The following HABP2 variants were observed in gnomAD, a reference collection of about 807,000 sequenced individuals.
HABP2 encodes the protein hyaluronan binding protein 2.
Under a neutral mutation model 66.5 loss-of-function variants are expected in HABP2, and 65 were observed. That is an observed-to-expected ratio of 0.98 (90% CI 0.80 to 1.20). The LOEUF (loss-of-function observed/expected upper bound fraction) is 1.20, where lower values mean the gene tolerates loss of function less well. Among genes scored for constraint, HABP2 ranks in the 50% most tolerant of loss-of-function variants. The pLI, the probability that HABP2 is intolerant of heterozygous loss-of-function variation, is 0.00. For synonymous variants in HABP2, 263 were observed against 253.9 expected (o/e 1.04, Z -0.34); for missense variants, 786 against 691.0 (o/e 1.14, Z -1.54).
At chr10:113,569,173 A>C (rs1845256566) in intron 2 of HABP2, among the ~76,000 whole-genome samples, 1 of 152,214 alleles carries the variant, frequency 6.6e-6, no homozygotes, top group Non-Finnish European at 1.5e-5. Context: ...TTTTAAGCAC[A>C]GGCTGAAAAA....
chr10:113,580,484 T>C (rs913011430), intron 7 of HABP2, 111 bp from the exon 8 acceptor site: 10 of 668,522 alleles, frequency 1.5e-5, no homozygotes, highest in Non-Finnish European at 2.2e-5. Context: ...CAAAGAAATG[T>C]GGTCCCAGGG....
intron 6 of HABP2, 22 bp downstream of exon 6, chr10:113,578,167 AG>A: frequency 6.2e-7 from 1 of 1,613,166 alleles, no homozygotes; most frequent in African/African-American, 1.3e-5. Context: ...TGCCACCATC[AG>A]GGCCACAAGT....
At chr10:113,564,686 T>C (rs968387557) in intron 1 of HABP2, among the ~76,000 whole-genome samples, 2 of 152,230 alleles carry the variant, frequency 1.3e-5, no homozygotes, top group Admixed American at 1.3e-4. Context: ...GGAAGAATAA[T>C]GCAATGAATA....
intron 1 of HABP2, among the ~76,000 whole-genome samples, chr10:113,559,190 A>T (rs563040993): frequency 3.3e-5 from 5 of 152,142 alleles, no homozygotes; most frequent in Non-Finnish European, 5.9e-5. Context: ...CAAGAGCATT[A>T]TCATATGCAG....
intron 2 of HABP2, among the ~76,000 whole-genome samples, chr10:113,569,211 A>G (rs2133759521): frequency 6.6e-6 from 1 of 152,308 alleles, no homozygotes; most frequent in South Asian, 2.1e-4. Context: ...AGAGTATTTA[A>G]TTTAACCCTC....
chr10:113,579,121 T>C (rs1003710697), intron 7 of HABP2, among the ~76,000 whole-genome samples: 1 of 147,032 alleles, frequency 6.8e-6, no homozygotes, highest in African/African-American at 2.5e-5. Context: ...TAGCTGAATG[T>C]GGTGGTCAGC....
At chr10:113,556,780 C>G (rs563355452) in intron 1 of HABP2, among the ~76,000 whole-genome samples, 1 of 148,036 alleles carries the variant, frequency 6.8e-6, no homozygotes, top group Non-Finnish European at 1.5e-5. Context: ...TCCTGCTCCT[C>G]TCTCTTTCTT....
At chr10:113,586,099 A>T (rs890102567) in intron 12 of HABP2, among the ~76,000 whole-genome samples, 161 bp downstream of exon 12, 9 of 152,218 alleles carry the variant, frequency 5.9e-5, no homozygotes, top group Non-Finnish European at 1.3e-4. Flanking sequence ...CCTCTGGTGC[A>T]TCTGCATCCG....
At position 113,588,710 on chromosome 10, in the gene HABP2, A is replaced by G. The variant is rs1338533745; in HGVS notation, c.*341A>G. The G allele has an allele frequency of 1.8e-6, 1 of 546,580 alleles. No homozygotes were observed. Among genetic ancestry groups the G allele is most frequent in the Non-Finnish European group, 3.2e-6 (1 of 310,856 alleles). 33.9% of individuals were successfully genotyped at this position (546,580 alleles called of 1,614,324 possible). ...TGCAAATGCAGACTCCAGAATCCCCAGCATCAGCGGGAACCACCATCACAT... is the reference window on the plus strand; with the variant it reads ...TGCAAATGCAGACTCCAGAATCCCCGGCATCAGCGGGAACCACCATCACAT... On this transcript the variant is annotated 3_prime_UTR_variant, in exon 13 of 13. Coordinates refer to ENST00000351270, the MANE Select transcript of HABP2 (RefSeq NM_004132.5).
At position 113,589,039 on chromosome 10, in the gene HABP2, C is replaced by G. The variant is rs773566336; in HGVS notation, c.*670C>G. The stretch of plus-strand genomic sequence containing the variant: ...CTCAGTGGCATCTGGGTTCACCTCC[C>G]CACTCTGATGATCTCCAGCCTCCAC... On this transcript the variant is annotated 3_prime_UTR_variant, in exon 13 of 13. Coordinates refer to ENST00000351270, the MANE Select transcript of HABP2 (RefSeq NM_004132.5). The G allele has an allele frequency of 6.2e-7, 1 of 1,614,070 alleles. No homozygotes were observed. Among genetic ancestry groups the G allele is most frequent in the Non-Finnish European group, 8.5e-7 (1 of 1,180,010 alleles).
Position 113,589,573 on chromosome 10 carries a change from C to A in HABP2, c.*1204C>A, listed in dbSNP as rs1486334686. 29 of 1,485,032 alleles carry A rather than the reference C, an allele frequency of 2.0e-5. No homozygotes were observed. Among genetic ancestry groups the A allele is most frequent in the Non-Finnish European group, 2.1e-5 (23 of 1,102,088 alleles). 92.0% of individuals were successfully genotyped at this position (1,485,032 alleles called of 1,614,324 possible). A position where few individuals can be genotyped will look rare whatever the true frequency, so the allele number is the denominator to read the frequency against. Reference sequence around the variant, plus strand: ...TCACACTTCTTTAGAGCTAGCTGACCTTTGGCCAAAAATAAACTTTGAAAA... The same window carrying A: ...TCACACTTCTTTAGAGCTAGCTGACATTTGGCCAAAAATAAACTTTGAAAA... On this transcript the variant is annotated 3_prime_UTR_variant, in exon 13 of 13. Transcript: ENST00000351270.
chr10:113,562,192 C>T (rs765639528), intron 1 of HABP2, among the ~76,000 whole-genome samples: 2 of 152,166 alleles, frequency 1.3e-5, no homozygotes, highest in Non-Finnish European at 2.9e-5. Flanking sequence ...GCAGCGTCCA[C>T]CCTTTAAGAG....
intron 1 of HABP2, among the ~76,000 whole-genome samples, chr10:113,565,540 T>C (rs1022254581): frequency 1.1e-4 from 16 of 152,202 alleles, no homozygotes; most frequent in African/African-American, 3.4e-4. Context: ...TAGGAACTAA[T>C]AGAGTGAAAC....
intron 2 of HABP2, chr10:113,572,578 A>C: frequency 2.7e-6 from 1 of 374,356 alleles, no homozygotes; most frequent in South Asian, 2.0e-5. Flanking sequence ...CCTAAATGTC[A>C]GTTTGAAATC....
chr10:113,585,614 C>T (rs1291854329), intron 11 of HABP2, among the ~76,000 whole-genome samples, 179 bp from the exon 12 acceptor site: 4 of 152,194 alleles, frequency 2.6e-5, no homozygotes, highest in Non-Finnish European at 2.9e-5. Flanking sequence ...CACAGGATTG[C>T]AGGTCTGCAC....
chr10:113,584,559 C>T (rs1845599393), intron 11 of HABP2, among the ~76,000 whole-genome samples: 1 of 152,194 alleles, frequency 6.6e-6, no homozygotes, highest in Non-Finnish European at 1.5e-5. Flanking sequence ...AGCTCTTGCT[C>T]CCTTCCTAGT....
intron 1 of HABP2, among the ~76,000 whole-genome samples, chr10:113,561,631 G>A (rs1845101860): frequency 6.6e-6 from 1 of 152,088 alleles, no homozygotes; most frequent in Non-Finnish European, 1.5e-5. Flanking sequence ...GCAAGCAGAA[G>A]ATTTCTCTGC....
rs554273131 is a variant in HABP2, at chr10:113,554,907, G to A, written c.69+1717G>A. Among the ~76,000 whole-genome samples the A allele has an allele frequency of 2.6e-5, 4 of 152,324 alleles. No individual in the cohort carries two copies. In the South Asian group the frequency reaches 8.3e-4, roughly 32 times the overall value. ...TAGTCAATTCCAAAGAGAGGATTCG[G>A]GGCTTTGGAATGCTTTCTTACCCCA... is the stretch of plus-strand genomic sequence containing the variant. On this transcript the variant is annotated intron_variant, in intron 1 of 12. Coordinates refer to ENST00000351270, the MANE Select transcript of HABP2 (RefSeq NM_004132.5).
chr10:113,575,153 A>C (rs1845386360), intron 3 of HABP2, among the ~76,000 whole-genome samples: 1 of 152,188 alleles, frequency 6.6e-6, no homozygotes, highest in Non-Finnish European at 1.5e-5. Flanking sequence ...GGCAGGGCCA[A>C]GATACAGGGC....
Sources: gnomAD v4.1 joint callset for allele counts (sites outside exome capture counted in the v4.1 genomes callset) on GRCh38, gnomAD v4.1.1 for gene constraint, MANE v1.5 for transcripts, NCBI Gene and HGNC (gene_info 2026-07-23, HGNC 2026-07-21) for gene names.